DNMT3B: variants seen among roughly 807,000 people sequenced by gnomAD.
The protein encoded by DNMT3B is DNA (cytosine-5)-methyltransferase 3B.
DNMT3B carries 37 observed loss-of-function variants against 120.2 expected under a neutral mutation model. That is an observed-to-expected ratio of 0.31 (90% CI 0.24 to 0.40). The LOEUF (loss-of-function observed/expected upper bound fraction) is 0.40, where lower values mean the gene tolerates loss of function less well. Ranked by LOEUF, DNMT3B falls within the 10% of genes least tolerant of loss-of-function variation. The pLI, the probability that DNMT3B is intolerant of heterozygous loss-of-function variation, is 1.00. For missense variants in DNMT3B, 878 were observed against 1,137.3 expected, an observed-to-expected ratio of 0.77 and a Z score of 3.28; for synonymous variants, 412 against 442.8, an observed-to-expected ratio of 0.93 and a Z score of 0.87.
intron 4 of DNMT3B, among the ~76,000 whole-genome samples, chr20:32,786,002 G>T (rs144849405): frequency 2.0e-5 from 3 of 151,958 alleles, no homozygotes; most frequent in African/African-American, 7.3e-5. Flanking sequence ...TCCTGCCTCA[G>T]CCTCCTGAGT....
intron 15 of DNMT3B, among the ~76,000 whole-genome samples, chr20:32,798,845 G>A (rs2424924): frequency 0.01 from 1,526 of 152,338 alleles, 25 homozygotes; most frequent in African/African-American, 0.034. Context: ...CTCCTTGCCG[G>A]CTTCTCAGCG....
chr20:32,767,653 TCTCAAACTCCTCG>T (rs1341065972), intron 1 of DNMT3B, among the ~76,000 whole-genome samples: 1 of 152,140 alleles, frequency 6.6e-6, no homozygotes, highest in Admixed American at 6.6e-5. Flanking sequence ...CCCCAGCTGG[TCTCAAACTCCTCG>T]GCTCAAGCAA....
chr20:32,767,123 C>T (rs1464653183), intron 1 of DNMT3B, among the ~76,000 whole-genome samples: 1 of 151,872 alleles, frequency 6.6e-6, no homozygotes, highest in Non-Finnish European at 1.5e-5. Context: ...AACTCCCAAC[C>T]TCAGGTGATC....
chr20:32,805,503 C>A, intron 21 of DNMT3B, 96 bp downstream of exon 21: 2 of 1,428,014 alleles, frequency 1.4e-6, no homozygotes, highest in Non-Finnish European at 2.0e-6. Flanking sequence ...TCCTACTCCT[C>A]CCCCCACGTG....
At chr20:32,803,806 G>T (rs987421965) in intron 20 of DNMT3B, among the ~76,000 whole-genome samples, 19 of 152,162 alleles carry the variant, frequency 1.2e-4, no homozygotes, top group African/African-American at 4.6e-4. Context: ...TGGGAGAGAA[G>T]GACCAAGTAA....
chr20:32,770,956 G>A lies in DNMT3B; in HGVS notation c.-7+8257G>A, dbSNP rs890400676. Among the ~76,000 whole-genome samples the A allele has an allele frequency of 2.6e-4, 39 of 152,076 alleles. 1 individual carries two copies. Among genetic ancestry groups the A allele is most frequent in the African/African-American group, 9.2e-4 (38 of 41,412 alleles). On this transcript the variant is annotated intron_variant, in intron 1 of 22. Coordinates refer to ENST00000328111, the MANE Select transcript of DNMT3B (RefSeq NM_006892.4). ...GTTGGGGTCTCACTTTGTTGCCCAG[G>A]CTGATCTTGAACTCCTGGGCTCAAG...
At chr20:32,791,753 AT>A in intron 8 of DNMT3B, 45 bp downstream of exon 8, 2 of 1,603,386 alleles carry the variant, frequency 1.2e-6, no homozygotes, top group South Asian at 2.2e-5. Flanking sequence ...GAGAGCAGGG[AT>A]GAAGCAAGAG....
At chr20:32,768,597 G>A (rs906980090) in intron 1 of DNMT3B, among the ~76,000 whole-genome samples, 50 of 152,228 alleles carry the variant, frequency 3.3e-4, no homozygotes, top group African/African-American at 1.2e-3. Flanking sequence ...ACAGGTGTGA[G>A]CCACCATGCC....
chr20:32,802,538 C>G, intron 20 of DNMT3B, 68 bp downstream of exon 20: 2 of 1,497,458 alleles, frequency 1.3e-6, no homozygotes, highest in Non-Finnish European at 9.3e-7. Context: ...CTCTGACATT[C>G]AAGCCTTCCT....
rs781020047 is a variant in DNMT3B at position 32,787,301 on chromosome 20, C to T, written c.504C>T (p.Ile168=). 8 of 1,614,234 alleles carry T rather than the reference C, an allele frequency of 5.0e-6. No individual in the cohort carries two copies. The Admixed American group carries it at 5.0e-5, about 10-fold the overall frequency. ...CCCCTCCCAGCTCTTACCTTACCAT[C>T]GACCTCACAGACGACACAGAGGACA... is the stretch of plus-strand genomic sequence containing the variant. ...WPSPPSSYLT[I]DLTDDTEDTH... Residue 168 remains isoleucine (I), a synonymous_variant, in exon 6 of 23, where the codon ATC becomes ATT. Transcript: ENST00000328111.
At chr20:32,768,367 T>A (rs1333233490) in intron 1 of DNMT3B, among the ~76,000 whole-genome samples, 1 of 152,104 alleles carries the variant, frequency 6.6e-6, no homozygotes, top group Non-Finnish European at 1.5e-5. Flanking sequence ...TAATTTTGTA[T>A]TTTTAGTAGA....
chr20:32,771,498 G>GGGCGTGGTGGCATGTGCCTT (rs1203097963), intron 1 of DNMT3B, among the ~76,000 whole-genome samples: 1 of 151,960 alleles, frequency 6.6e-6, no homozygotes. Flanking sequence ...AAAATTAGCC[G>GGGCGTGGTGGCATGTGCCTT]GGCGTGGTGG....
Position 32,787,466 on chromosome 20 carries a change from G to A in DNMT3B, c.654+15G>A. 6.2e-7 allele frequency: 1 copy of A among 1,610,186 alleles called. No homozygotes were observed. The highest frequency in any genetic ancestry group is 8.5e-7 in the Non-Finnish European group (1 of 1,178,532). ...CAGAGTATCAGGTATGGCCGAGAGGGGCTCCTGCCCAGGGTGACTGAGGAC... is the reference window on the plus strand; with the variant it reads ...CAGAGTATCAGGTATGGCCGAGAGGAGCTCCTGCCCAGGGTGACTGAGGAC... On this transcript the variant is annotated intron_variant, in intron 6 of 22. Coordinates refer to ENST00000328111, the MANE Select transcript of DNMT3B (RefSeq NM_006892.4).
chr20:32,798,623 A>G lies in DNMT3B; in HGVS notation c.1654A>G (p.Ser552Gly), dbSNP rs1200658023. The G allele has an allele frequency of 2.5e-6, 4 of 1,614,040 alleles. No individual in the cohort carries two copies. The highest frequency in any genetic ancestry group is 3.4e-6 in the Non-Finnish European group (4 of 1,180,042). Residue 552 changes from serine (S) to glycine (G), a missense_variant, in exon 15 of 23, where the codon AGT becomes GGT. By Grantham distance (56) the Ser-to-Gly change is moderately conservative. Transcript: ENST00000328111. ...WNVRLQAFFT[S>G]DTGLEYEAPK... is the part of the protein sequence containing the mutation. ...CGTGCGCCTGCAGGCCTTCTTCACCAGTGACACGGGGCTTGAATATGTAAG... is the reference window on the plus strand; with the variant it reads ...CGTGCGCCTGCAGGCCTTCTTCACCGGTGACACGGGGCTTGAATATGTAAG...
intron 2 of DNMT3B, 68 bp downstream of exon 2, chr20:32,780,533 G>A (rs1978485957): frequency 1.9e-6 from 3 of 1,582,590 alleles, no homozygotes; most frequent in Admixed American, 1.7e-5. Context: ...GCAGACAACT[G>A]GAGGCTTTGG....
In DNMT3B at chr20:32,807,966, C is replaced by G. The variant is rs1311364860; in HGVS notation, c.*63C>G. On this transcript the variant is annotated 3_prime_UTR_variant, in exon 23 of 23. Coordinates refer to ENST00000328111, the MANE Select transcript of DNMT3B (RefSeq NM_006892.4). ...GAGCCAGGACCCAGGAGGTGTGATT[C>G]CTGAAGGCATCCCCAGGCCCTGCTC... is the stretch of plus-strand genomic sequence containing the variant. 1 of 1,612,808 alleles carries G rather than the reference C, an allele frequency of 6.2e-7. No individual in the cohort carries two copies. Among genetic ancestry groups the G allele is most frequent in the African/African-American group, 1.3e-5 (1 of 74,886 alleles).
chr20:32,791,640 C>G lies in DNMT3B; in HGVS notation c.853C>G (p.Gln285Glu). The G allele has an allele frequency of 1.2e-6, 2 of 1,614,134 alleles. No individual in the cohort carries two copies. Among genetic ancestry groups the G allele is most frequent in the Non-Finnish European group, 1.7e-6 (2 of 1,180,002 alleles). Reference sequence around the variant, plus strand: ...ACTGGTGGCACTGGGGCTGTTCAGCCAGCACTTTAATTTGGCCACCTTCAA... The same window carrying G: ...ACTGGTGGCACTGGGGCTGTTCAGCGAGCACTTTAATTTGGCCACCTTCAA... ...DKLVALGLFS[Q>E]HFNLATFNKL... Residue 285 changes from glutamine (Q) to glutamate (E), a missense_variant, in exon 8 of 23, where the codon CAG becomes GAG. By Grantham distance (29) the Gln-to-Glu change is conservative. Coordinates refer to ENST00000328111, the MANE Select transcript of DNMT3B (RefSeq NM_006892.4).
chr20:32,765,445 C>T (rs1987270103), intron 1 of DNMT3B, among the ~76,000 whole-genome samples: 2 of 128,786 alleles, frequency 1.6e-5, no homozygotes, highest in Non-Finnish European at 3.1e-5. Context: ...TTTTTTGAGA[C>T]AGTTTTGCTT....
chr20:32,762,525 C>A lies in DNMT3B; in HGVS notation c.-181C>A. ...CCCTGGCGGTCGGGCGAGCGGGCGG[C>A]AACGCTGCCCGGCCGGCAGCGCTGG... On this transcript the variant is annotated 5_prime_UTR_variant, in exon 1 of 23. Transcript: ENST00000328111. 3.1e-6 allele frequency: 1 copy of A among 318,248 alleles called. No individual in the cohort carries two copies. The highest frequency in any genetic ancestry group is 6.5e-6 in the Non-Finnish European group (1 of 154,536). The allele number at this position is 318,248 out of a possible 1,614,324, so 19.7% of individuals were successfully genotyped here. A position where few individuals can be genotyped will look rare whatever the true frequency, so the allele number is the denominator to read the frequency against.
Sources: gnomAD v4.1 joint callset for allele counts (sites outside exome capture counted in the v4.1 genomes callset) on GRCh38, gnomAD v4.1.1 for gene constraint, MANE v1.5 for transcripts, NCBI Gene and HGNC (gene_info 2026-07-23, HGNC 2026-07-21) for gene names.